The following CARNS1 variants were observed in gnomAD, a reference collection of about 807,000 sequenced individuals.
CARNS1 encodes the protein carnosine synthase 1.
CARNS1 carries 61 observed loss-of-function variants against 74.0 expected under a neutral mutation model. The ratio of observed to expected loss-of-function variants is 0.82; its 90% CI spans 0.67 to 1.02. The LOEUF is 1.02. CARNS1 is among the 50% of genes least tolerant of loss of function. The pLI is 0.00. For synonymous variants in CARNS1, 568 were observed against 605.5 expected, an observed-to-expected ratio of 0.94 and a Z score of 0.91; for missense variants, 1,278 against 1,308.4, an observed-to-expected ratio of 0.98 and a Z score of 0.36.
At position 67,417,676 on chromosome 11, in the gene CARNS1, A is replaced by G. The variant is rs1863582532; in HGVS notation, c.273A>G (p.Thr91=). Residue 91 remains threonine, a splice_region_variant and synonymous_variant, in exon 3 of 10, where the codon ACA becomes ACG. Transcript: ENST00000687366. ...AGGACCGCGGCCAGGTGCCCCGCAC[A>G]GGTGCCCAAGGGCTCCCTGGAGGGA... ...ETQDRGQVPR[T]GCPGAEVTLC... is the part of the protein sequence containing the mutation. The G allele has an allele frequency of 1.6e-6, 2 of 1,253,760 alleles. No individual in the cohort carries two copies. The highest frequency in any genetic ancestry group is 2.0e-6 in the Non-Finnish European group (2 of 997,788). The allele number at this position is 1,253,760 out of a possible 1,614,324, so 77.7% of individuals were successfully genotyped here. A position where few individuals can be genotyped will look rare whatever the true frequency, so the allele number is the denominator to read the frequency against.
rs1415092914 is a variant in CARNS1 at position 67,420,636 on chromosome 11, C to A, written c.1141C>A (p.Arg381Ser). The part of the protein sequence containing the change: ...KVVCGVGRGD[R>S]PLRHHNSLPR... Reference sequence around the variant, plus strand: ...GGTGTGCGGCGTGGGCCGCGGGGACCGCCCTCTACGGCACCACAACTCCCT... The same window carrying A: ...GGTGTGCGGCGTGGGCCGCGGGGACAGCCCTCTACGGCACCACAACTCCCT... Residue 381 changes from arginine (R) to serine (S), a missense_variant, in exon 8 of 10, where the codon CGC (arginine) becomes AGC (serine). Arg to Ser is a moderately radical substitution (Grantham distance 110). Coordinates refer to ENST00000687366, the MANE Select transcript of CARNS1 (RefSeq NM_001166222.2). 2.4e-6 allele frequency: 3 copies of A among 1,241,886 alleles called. No homozygotes were observed. Among genetic ancestry groups the A allele is most frequent in the Non-Finnish European group, 3.0e-6 (3 of 993,498 alleles). 76.9% of individuals were successfully genotyped at this position (1,241,886 alleles called of 1,614,324 possible). A position where few individuals can be genotyped will look rare whatever the true frequency, so the allele number is the denominator to read the frequency against.
At chr11:67,422,258 A>G (rs527289440) in intron 9 of CARNS1, among the ~76,000 whole-genome samples, 3 of 132,686 alleles carry the variant, frequency 2.3e-5, no homozygotes, top group Non-Finnish European at 3.1e-5. Flanking sequence ...ATCTCGGCCC[A>G]TTGCAACCTC....
At position 67,418,956 on chromosome 11, in the gene CARNS1, GC is replaced by G. The variant is rs1192564692; in HGVS notation, c.566del (p.Ala189GlufsTer8). The G allele has an allele frequency of 6.4e-7, 1 of 1,573,102 alleles. No individual in the cohort carries two copies. The highest frequency in any genetic ancestry group is 2.4e-5 in the East Asian group (1 of 42,412). The part of the protein sequence containing the change: ...LGLGPGRGRE[A>X]AELARDLTCP... The stretch of plus-strand genomic sequence containing the variant: ...CCTGGGGCCTGGCCGGGGCCGAGAG[GC>G]AGCAGAACTCGCCCGTGACCTGACC... On this transcript the variant is annotated frameshift_variant, in exon 5 of 10. Transcript: ENST00000687366. LOFTEE classifies it high-confidence loss of function.
Position 67,424,735 on chromosome 11 carries a change from T to C in CARNS1, c.*134T>C. The C allele has an allele frequency of 9.3e-7, 1 of 1,077,000 alleles. No individual in the cohort carries two copies. Among genetic ancestry groups the C allele is most frequent in the African/African-American group, 1.6e-5 (1 of 62,556 alleles). 66.7% of individuals were successfully genotyped at this position (1,077,000 alleles called of 1,614,324 possible). A position where few individuals can be genotyped will look rare whatever the true frequency, so the allele number is the denominator to read the frequency against. ...CCTGGCCCGCTGCAATGCCTAGGTC[T>C]GTTCCAGAGCAGCAGGGCAATTTAG... On this transcript the variant is annotated 3_prime_UTR_variant, in exon 10 of 10. Transcript: ENST00000687366.
In CARNS1 at chr11:67,418,875, T is replaced by C; in HGVS notation, c.484T>C (p.Phe162Leu). 1 of 1,601,292 alleles carries C rather than the reference T, an allele frequency of 6.2e-7. No individual in the cohort carries two copies. The highest frequency in any genetic ancestry group is 1.1e-5 in the South Asian group (1 of 89,006). ...GAGCTTCCACCCTGGGGGCCTGACA[T>C]TCCTGGATGACTTTGTCCCCCCGCG... Reference protein sequence around the residue: ...AVSFHPGGLTFLDDFVPPRRA... With the variant: ...AVSFHPGGLTLLDDFVPPRRA... Residue 162 changes from phenylalanine to leucine, a missense_variant, in exon 5 of 10, where the codon TTC becomes CTC. Physicochemically the swap from Phe to Leu is conservative, Grantham distance 22 (BLOSUM62 0). Coordinates refer to ENST00000687366, the MANE Select transcript of CARNS1 (RefSeq NM_001166222.2).
At chr11:67,416,377 A>G in intron 2 of CARNS1, 175 bp downstream of exon 2, 2 of 1,448,724 alleles carry the variant, frequency 1.4e-6, no homozygotes, top group Non-Finnish European at 1.8e-6. Flanking sequence ...GGAGGTGGGC[A>G]CTCTTAGTGC....
intron 9 of CARNS1, among the ~76,000 whole-genome samples, chr11:67,422,006 C>T (rs1025672285): frequency 2.0e-5 from 3 of 151,662 alleles, no homozygotes; most frequent in African/African-American, 4.9e-5. Flanking sequence ...CTCAGGCTCC[C>T]GAGTACCTGG....
intron 2 of CARNS1, 73 bp from the exon 3 acceptor site, chr11:67,417,334 G>A: frequency 4.7e-6 from 6 of 1,281,336 alleles, no homozygotes; most frequent in Admixed American, 4.1e-5. Flanking sequence ...AGAGTGGGGG[G>A]CTTACACCCT....
At chr11:67,417,184 C>T (rs1245404652) in intron 2 of CARNS1, 22 of 1,221,716 alleles carry the variant, frequency 1.8e-5, no homozygotes, top group Non-Finnish European at 2.1e-5. Context: ...TTCCTGCCCT[C>T]CCCCCAGGGG....
intron 2 of CARNS1, 127 bp downstream of exon 2, chr11:67,416,329 G>A (rs1863544083): frequency 9.4e-6 from 14 of 1,494,280 alleles, no homozygotes; most frequent in Non-Finnish European, 1.2e-5. Flanking sequence ...TTAGACCCAC[G>A]ACCAGCTCCC....
chr11:67,420,194 C>G (rs1474164025), intron 7 of CARNS1, among the ~76,000 whole-genome samples: 1 of 152,196 alleles, frequency 6.6e-6, no homozygotes, highest in Non-Finnish European at 1.5e-5. Context: ...GGCCTCTAAG[C>G]TGGAGAGTCA....
chr11:67,424,875 A>C lies in CARNS1; in HGVS notation c.*274A>C. 1.6e-6 allele frequency: 1 copy of C among 626,656 alleles called. No homozygotes were observed. Among genetic ancestry groups the C allele is most frequent in the Non-Finnish European group, 2.9e-6 (1 of 339,116 alleles). The allele number at this position is 626,656 out of a possible 1,614,324, so 38.8% of individuals were successfully genotyped here. Reference sequence around the variant, plus strand: ...AATGACAATGGCCACACACACACACACACACACACACACACACCTCTGACG... The same window carrying C: ...AATGACAATGGCCACACACACACACCCACACACACACACACACCTCTGACG... On this transcript the variant is annotated 3_prime_UTR_variant, in exon 10 of 10. Transcript: ENST00000687366.
In CARNS1 at chr11:67,424,883, A is replaced by ACG; in HGVS notation, c.*283_*284insGC. The ACG allele has an allele frequency of 1.6e-6, 1 of 630,132 alleles. No individual in the cohort carries two copies. Among genetic ancestry groups the ACG allele is most frequent in the African/African-American group, 1.8e-5 (1 of 55,410 alleles). 39.0% of individuals were successfully genotyped at this position (630,132 alleles called of 1,614,324 possible). ...TGGCCACACACACACACACACACAC[A>ACG]CACACACACCTCTGACGCCAGCTCC... On this transcript the variant is annotated 3_prime_UTR_variant, in exon 10 of 10. Transcript: ENST00000687366.
At position 67,422,171 on chromosome 11, in the gene CARNS1, CTTTTTTT is replaced by C. The variant is rs35293042; in HGVS notation, c.1626+976_1626+982del. ...ACAGGCGTGAGCCACCGCGCCCGGC[CTTTTTTT>C]TTTTTTTTTTTTTTTTTTTTTTTAA... On this transcript the variant is annotated intron_variant, in intron 9 of 9. Transcript: ENST00000687366. Among the ~76,000 whole-genome samples, 14 of 72,798 alleles carry C rather than the reference CTTTTTTT, an allele frequency of 1.9e-4. No individual in the cohort carries two copies. In the South Asian group the frequency reaches 2.7e-3, roughly 14 times the overall value. 47.8% of individuals were successfully genotyped at this position (72,798 alleles called of 152,430 possible). A position where few individuals can be genotyped will look rare whatever the true frequency, so the allele number is the denominator to read the frequency against.
Position 67,419,669 on chromosome 11 carries a change from C to G in CARNS1, c.1027+8C>G, listed in dbSNP as rs1863641833. ...CCCAGCTGCCCTGCTCAGGTGAGAG[C>G]CACCTGGGCTGACCAGGGATGGGAG... On this transcript the variant is annotated splice_region_variant and intron_variant, in intron 6 of 9. Transcript: ENST00000687366. 1.3e-6 allele frequency: 2 copies of G among 1,590,926 alleles called. No individual in the cohort carries two copies. Among genetic ancestry groups the G allele is most frequent in the Non-Finnish European group, 1.7e-6 (2 of 1,169,330 alleles).
intron 8 of CARNS1, 22 bp from the exon 9 acceptor site, chr11:67,420,917 T>C: frequency 7.3e-7 from 1 of 1,363,472 alleles, no homozygotes; most frequent in Non-Finnish European, 9.4e-7. Context: ...GTAGCTGAGC[T>C]CGCGCCTCCC....
chr11:67,418,988 C>T lies in CARNS1; in HGVS notation c.597C>T (p.Pro199=). The T allele has an allele frequency of 6.4e-7, 1 of 1,564,724 alleles. No homozygotes were observed. The change falls in exon 5 of 10, where the codon CCC becomes CCT. Residue 199 remains proline, a synonymous_variant. Coordinates refer to ENST00000687366, the MANE Select transcript of CARNS1 (RefSeq NM_001166222.2). ...AACTCGCCCGTGACCTGACCTGCCCCACAGGAGCTTCGGCTGAGCTGGCCC... is the reference window on the plus strand; with the variant it reads ...AACTCGCCCGTGACCTGACCTGCCCTACAGGAGCTTCGGCTGAGCTGGCCC... ...AAELARDLTC[P]TGASAELARL...
rs1358674425 is a variant in CARNS1 at position 67,420,727 on chromosome 11, T to TGCGGCAGC, written c.1236_1243dup (p.Val415GlyfsTer22). 134 of 1,260,458 alleles carry TGCGGCAGC rather than the reference T, an allele frequency of 1.1e-4. 1 individual carries two copies. In the East Asian group the frequency reaches 3.7e-3, roughly 35 times the overall value. The allele number at this position is 1,260,458 out of a possible 1,614,324, so 78.1% of individuals were successfully genotyped here. On this transcript the variant is annotated frameshift_variant, in exon 8 of 10. Coordinates refer to ENST00000687366, the MANE Select transcript of CARNS1 (RefSeq NM_001166222.2). LOFTEE classifies it high-confidence loss of function. The stretch of plus-strand genomic sequence containing the variant: ...GGCGAGGAGGCGCAGGTGGCGGCTG[T>TGCGGCAGC]GCGGCAGCGCGTCAAGGCGGCGGCC...
Position 67,425,218 on chromosome 11 carries a change from A to T in CARNS1, c.*617A>T. 2.6e-6 allele frequency: 1 copy of T among 377,686 alleles called. No homozygotes were observed. Among genetic ancestry groups the T allele is most frequent in the South Asian group, 1.9e-5 (1 of 51,352 alleles). 23.4% of individuals were successfully genotyped at this position (377,686 alleles called of 1,614,324 possible). ...CACAACTGCCTATGTTCCCCCGATG[A>T]GAGGAAACAGGCTGAGAGAAGAAAA... On this transcript the variant is annotated 3_prime_UTR_variant, in exon 10 of 10. Transcript: ENST00000687366.
Sources: allele counts gnomAD v4.1 joint callset (sites outside exome capture counted in the v4.1 genomes callset), GRCh38; gene constraint gnomAD v4.1.1; transcripts MANE v1.5; gene names NCBI Gene and HGNC (gene_info 2026-07-23, HGNC 2026-07-21).